Variants in NPHP4 observed in about 807,000 individuals in gnomAD.
NPHP4 encodes nephrocystin 4.
In NPHP4, 151 loss-of-function variants were observed where a neutral mutation model predicts 155.8. The observed-to-expected ratio is 0.97, with a 90% CI of 0.85 to 1.11. The LOEUF is 1.11. Among genes scored for constraint, NPHP4 ranks in the 50% least tolerant of loss-of-function variants. The pLI is 0.00. For missense variants in NPHP4, 1,956 were observed against 1,925.7 expected (o/e 1.02, Z -0.29); for synonymous variants, 845 against 816.8 (o/e 1.03, Z -0.59).
At chr1:5,923,535 A>G (rs1645852182) in intron 11 of NPHP4, among the ~76,000 whole-genome samples, 1 of 152,224 alleles carries the variant, frequency 6.6e-6, no homozygotes, top group Non-Finnish European at 1.5e-5. Flanking sequence ...TAAGGCCAAA[A>G]GAGAAAGAAC....
rs531162424 is a variant in NPHP4 at position 5,904,669 on chromosome 1, G to A, written c.2091C>T (p.Gly697=). 66 of 1,613,888 alleles carry A rather than the reference G, an allele frequency of 4.1e-5. No homozygotes were observed. The East Asian group carries it at 7.6e-4, about 19-fold the overall frequency. Residue 697 remains glycine, a synonymous_variant, in exon 16 of 30, where the codon GGC becomes GGT. Coordinates refer to ENST00000378156, the MANE Select transcript of NPHP4 (RefSeq NM_015102.5). ...CAGGCACGAGGATGTGGGTCAGGGCGCCAGAGCTGGGCTGGCCGGCCTCAT... is the reference window on the plus strand; with the variant it reads ...CAGGCACGAGGATGTGGGTCAGGGCACCAGAGCTGGGCTGGCCGGCCTCAT... ...QLDEAGQPSS[G]ALTHILVPVS...
At chr1:5,981,727 T>A (rs1228821390) in intron 2 of NPHP4, among the ~76,000 whole-genome samples, 1 of 152,250 alleles carries the variant, frequency 6.6e-6, no homozygotes, top group Non-Finnish European at 1.5e-5. Context: ...TATCTTCTTT[T>A]AAATACTGTA....
chr1:5,950,384 G>A (rs758729730), intron 7 of NPHP4, among the ~76,000 whole-genome samples: 9 of 152,232 alleles, frequency 5.9e-5, no homozygotes, highest in South Asian at 2.1e-4. Flanking sequence ...GCCCAACTCC[G>A]CCTCCACCCC....
intron 3 of NPHP4, among the ~76,000 whole-genome samples, chr1:5,969,504 G>C (rs1253271424): frequency 6.6e-6 from 1 of 152,142 alleles, no homozygotes. Flanking sequence ...AACAACCAGG[G>C]CATCAGATGT....
In NPHP4 at chr1:5,887,359, C is replaced by T; in HGVS notation, c.2412G>A (p.Gly804=). The change falls in exon 18 of 30, where the codon GGG becomes GGA. Residue 804 remains glycine (G), a synonymous_variant. Transcript: ENST00000378156. ...CGCCGATGGGCTTGACGCGGCCAAA[C>T]CCCAGCATGTCTCCACTCACCACCA... The part of the protein sequence containing the change: ...DNMVVSGDML[G]FGRVKPIGVH... The T allele has an allele frequency of 6.2e-7, 1 of 1,613,614 alleles. No individual in the cohort carries two copies. Among genetic ancestry groups the T allele is most frequent in the Non-Finnish European group, 8.5e-7 (1 of 1,179,886 alleles).
rs1021357543 is a variant in NPHP4 at position 5,944,613 on chromosome 1, G to A, written c.1119+2491C>T. ...CATTCCAGATTTCACCCAGGAAAGC[G>A]CACTTGATGACAGTAAAGTGGAATC... is the stretch of plus-strand genomic sequence containing the variant. On this transcript the variant is annotated intron_variant, in intron 9 of 29. Coordinates refer to ENST00000378156, the MANE Select transcript of NPHP4 (RefSeq NM_015102.5). This position sits in a 1 kb window ranked among gnomAD's most constrained non-coding sequence, Gnocchi z 4.3. 6.6e-5 allele frequency among the ~76,000 whole-genome samples: 10 copies of A among 152,266 alleles called. No homozygotes were observed. Among genetic ancestry groups the A allele is most frequent in the Non-Finnish European group, 1.2e-4 (8 of 68,030 alleles).
intron 11 of NPHP4, 87 bp downstream of exon 11, chr1:5,927,562 C>T (rs1198383395): frequency 2.2e-6 from 3 of 1,334,412 alleles, no homozygotes; most frequent in Non-Finnish European, 3.1e-6. Flanking sequence ...TGGTGATTAC[C>T]GTACTAGACT....
chr1:5,879,588 G>A (rs754804044), intron 19 of NPHP4: 6 of 519,006 alleles, frequency 1.2e-5, no homozygotes, highest in African/African-American at 1.9e-5. Context: ...GCCACTGGCA[G>A]GGTTCCCACT....
intron 16 of NPHP4, among the ~76,000 whole-genome samples, chr1:5,898,722 G>T (rs897099765): frequency 1.3e-5 from 2 of 152,228 alleles, no homozygotes; most frequent in Non-Finnish European, 2.9e-5. Context: ...AACTATTCAG[G>T]GCTGGGAATT....
Position 5,892,049 on chromosome 1 carries a change from G to T in NPHP4, c.2144-1021C>A, listed in dbSNP as rs1644158870. ...CAGGAGCTCACGGGGGCATCTTGGGGCAGAAAGGCAAATAAGGAATCTGGA... is the reference window on the plus strand; with the variant it reads ...CAGGAGCTCACGGGGGCATCTTGGGTCAGAAAGGCAAATAAGGAATCTGGA... On this transcript the variant is annotated intron_variant, in intron 16 of 29. Transcript: ENST00000378156. This position sits in a 1 kb window ranked among gnomAD's most constrained non-coding sequence, Gnocchi z 4.5. 6.6e-6 allele frequency among the ~76,000 whole-genome samples: 1 copy of T among 152,226 alleles called. No individual in the cohort carries two copies. The highest frequency in any genetic ancestry group is 2.4e-5 in the African/African-American group (1 of 41,456).
rs1553194795 is a variant in NPHP4, at chr1:5,964,942, T to TA, written c.517+2356_517+2357insT. On this transcript the variant is annotated intron_variant, in intron 5 of 29. Coordinates refer to ENST00000378156, the MANE Select transcript of NPHP4 (RefSeq NM_015102.5). ...TTATATATATATATATATATATATA[T>TA]TTTTTTTTTTTGAGGCAGGGTCTCA... Among the ~76,000 whole-genome samples, 149 of 44,454 alleles carry TA rather than the reference T, an allele frequency of 3.4e-3. 1 individual carries two copies. Among genetic ancestry groups the TA allele is most frequent in the South Asian group, 7.7e-3 (12 of 1,566 alleles). 29.2% of individuals were successfully genotyped at this position (44,454 alleles called of 152,430 possible).
At chr1:5,930,085 G>A (rs947859014) in intron 10 of NPHP4, among the ~76,000 whole-genome samples, 4 of 152,138 alleles carry the variant, frequency 2.6e-5, no homozygotes, top group Non-Finnish European at 4.4e-5. Flanking sequence ...TTTATGTGCA[G>A]AGAATTGTTT....
At position 5,905,488 on chromosome 1, in the gene NPHP4, GAC is replaced by G. The variant is rs1181941233; in HGVS notation, c.1764-7_1764-6del. On this transcript the variant is annotated splice_polypyrimidine_tract_variant and splice_region_variant and intron_variant, in intron 14 of 29. Coordinates refer to ENST00000378156, the MANE Select transcript of NPHP4 (RefSeq NM_015102.5). This position sits in a 1 kb window ranked among gnomAD's most constrained non-coding sequence, Gnocchi z 4.0. ...CTCGAGGGCTGCCCTGCAGAGCTGA[GAC>G]ACAGAGACTCCTCAGGTAGCCTCCC... 3.7e-6 allele frequency: 6 copies of G among 1,600,544 alleles called. No homozygotes were observed. The highest frequency in any genetic ancestry group is 4.3e-6 in the Non-Finnish European group (5 of 1,169,948).
In NPHP4 at chr1:5,863,073, G is replaced by A; in HGVS notation, c.*192C>T. The A allele has an allele frequency of 1.6e-6, 1 of 623,092 alleles. No homozygotes were observed. The highest frequency in any genetic ancestry group is 2.6e-5 in the Admixed American group (1 of 38,708). The allele number at this position is 623,092 out of a possible 1,614,324, so 38.6% of individuals were successfully genotyped here. The stretch of plus-strand genomic sequence containing the variant: ...AACCCAGGCCTGCTGGGTGTCAGCA[G>A]CAGCTAAGCTGGATGCAGGTACTAC... On this transcript the variant is annotated 3_prime_UTR_variant, in exon 30 of 30. Transcript: ENST00000378156.
In NPHP4 at chr1:5,967,905, C is replaced by T. The variant is rs1226718685; in HGVS notation, c.453-542G>A. Reference sequence around the variant, plus strand: ...CCATTCGCAAGTCAGTGGTGTCAAGCTTGAGAAACCCTGACTTGGAGTAAA... The same window carrying T: ...CCATTCGCAAGTCAGTGGTGTCAAGTTTGAGAAACCCTGACTTGGAGTAAA... On this transcript the variant is annotated intron_variant, in intron 4 of 29. Coordinates refer to ENST00000378156, the MANE Select transcript of NPHP4 (RefSeq NM_015102.5). 2.6e-5 allele frequency among the ~76,000 whole-genome samples: 4 copies of T among 152,090 alleles called. No homozygotes were observed. The East Asian group carries it at 7.8e-4, about 30-fold the overall frequency.
intron 17 of NPHP4, among the ~76,000 whole-genome samples, chr1:5,888,045 C>A (rs1166057895): frequency 2.0e-5 from 3 of 152,168 alleles, no homozygotes; most frequent in Non-Finnish European, 2.9e-5. Context: ...GGGGTAGAGG[C>A]CCGTGGGGCC....
chr1:5,939,145 C>G (rs1298821925), intron 9 of NPHP4, among the ~76,000 whole-genome samples: 1 of 152,096 alleles, frequency 6.6e-6, no homozygotes, highest in Non-Finnish European at 1.5e-5. Flanking sequence ...TCGGGGCAAA[C>G]TGGAAAAGGG....
Position 5,948,290 on chromosome 1 carries a change from G to A in NPHP4, c.811-39C>T, listed in dbSNP as rs149090182. 1.0e-2 allele frequency: 14,618 copies of A among 1,465,648 alleles called. 107 individuals carry two copies. Among genetic ancestry groups the A allele is most frequent in the Non-Finnish European group, 0.011 (12,229 of 1,103,012 alleles). The allele number at this position is 1,465,648 out of a possible 1,614,324, so 90.8% of individuals were successfully genotyped here. A position where few individuals can be genotyped will look rare whatever the true frequency, so the allele number is the denominator to read the frequency against. On this transcript the variant is annotated intron_variant, in intron 7 of 29. Transcript: ENST00000378156. The stretch of plus-strand genomic sequence containing the variant: ...AGAAGGAATGAGCCCCGGCACAGAC[G>A]GAAAGAGGGAGCTCGCCAGAAGTCC...
rs1334524721 is a variant in NPHP4 at position 5,933,170 on chromosome 1, AGG to A, written c.1277_1278del (p.Pro426LeufsTer7). ...ACCTCTTCAGAGCTCATGCTGGCTG[AGG>A]GTACCTTGTAGACCAGACAGTGCGA... ...NPSHCLVYKV[P>X]SASMSSEEVK... On this transcript the variant is annotated frameshift_variant, in exon 10 of 30. Coordinates refer to ENST00000378156, the MANE Select transcript of NPHP4 (RefSeq NM_015102.5). LOFTEE classifies it high-confidence loss of function. 1.9e-6 allele frequency: 3 copies of A among 1,597,612 alleles called. No homozygotes were observed. The highest frequency in any genetic ancestry group is 1.7e-6 in the Non-Finnish European group (2 of 1,168,146).
Sources: gnomAD v4.1 joint callset for allele counts (sites outside exome capture counted in the v4.1 genomes callset) on GRCh38, gnomAD v4.1.1 for gene constraint, Gnocchi (gnomAD v3.1) non-coding constraint, MANE v1.5 for transcripts, NCBI Gene and HGNC (gene_info 2026-07-23, HGNC 2026-07-21) for gene names.